PDCD6IP: variants seen among roughly 807,000 people sequenced by gnomAD.
PDCD6IP encodes programmed cell death 6 interacting protein.
In PDCD6IP, 43 loss-of-function variants were observed where a neutral mutation model predicts 103.7. The ratio of observed to expected loss-of-function variants is 0.41; its 90% CI spans 0.32 to 0.53. The LOEUF (loss-of-function observed/expected upper bound fraction) is 0.53. PDCD6IP is among the 20% of genes least tolerant of loss of function. PDCD6IP has a pLI of 0.16. For missense variants in PDCD6IP, 871 were observed against 1,036.7 expected (o/e 0.84, Z 2.20); for synonymous variants, 354 against 378.7 (o/e 0.93, Z 0.76).
In PDCD6IP at chr3:33,852,538, G is replaced by T. The variant is rs759150820; in HGVS notation, c.1692G>T (p.Lys564Asn). 1.6e-5 allele frequency: 24 copies of T among 1,525,704 alleles called. No individual in the cohort carries two copies. Among genetic ancestry groups the T allele is most frequent in the Non-Finnish European group, 1.8e-5 (20 of 1,142,652 alleles). 94.5% of individuals were successfully genotyped at this position (1,525,704 alleles called of 1,614,324 possible). Reference sequence around the variant, plus strand: ...TGTCAAATCTTGATGAAGTAAAGAAGGAAAGAGAGGGTCTGGAGAATGACT... The same window carrying T: ...TGTCAAATCTTGATGAAGTAAAGAATGAAAGAGAGGGTCTGGAGAATGACT... Reference protein sequence around the residue: ...SLLSNLDEVKKEREGLENDLK... With the variant: ...SLLSNLDEVKNEREGLENDLK... Residue 564 changes from lysine to asparagine, a missense_variant, in exon 13 of 18, where the codon AAG becomes AAT. Transcript: ENST00000307296.
chr3:33,814,379 C>A (rs1239952010), intron 3 of PDCD6IP, among the ~76,000 whole-genome samples: 1 of 151,934 alleles, frequency 6.6e-6, no homozygotes, highest in Admixed American at 6.6e-5. Flanking sequence ...AGGTGATCCA[C>A]CCATCTCGGC....
At chr3:33,816,083 C>G (rs1365211427) in intron 3 of PDCD6IP, among the ~76,000 whole-genome samples, 1 of 152,094 alleles carries the variant, frequency 6.6e-6, no homozygotes, top group African/African-American at 2.4e-5. Context: ...CAGTGGTTCC[C>G]AAACCTGGCT....
chr3:33,839,321 A>G lies in PDCD6IP; in HGVS notation c.1181+994A>G, dbSNP rs565607344. On this transcript the variant is annotated intron_variant, in intron 9 of 17. Coordinates refer to ENST00000307296, the MANE Select transcript of PDCD6IP (RefSeq NM_013374.6). ...TGTAATCATTCTAGCATATGCATAT[A>G]CAGTACTTACAGTATGTACAGTATA... 6.6e-5 allele frequency among the ~76,000 whole-genome samples: 10 copies of G among 152,352 alleles called. No homozygotes were observed. The East Asian group carries it at 1.9e-3, about 29-fold the overall frequency.
At chr3:33,839,693 A>G (rs1408204341) in intron 9 of PDCD6IP, among the ~76,000 whole-genome samples, 1 of 152,188 alleles carries the variant, frequency 6.6e-6, no homozygotes, top group Non-Finnish European at 1.5e-5. Flanking sequence ...TGTTTTCCAA[A>G]GTGGTTGTTC....
intron 1 of PDCD6IP, among the ~76,000 whole-genome samples, chr3:33,807,848 G>A (rs1696631869): frequency 6.6e-6 from 1 of 152,208 alleles, no homozygotes; most frequent in African/African-American, 2.4e-5. Context: ...TCCCAGCAGA[G>A]TCTAGAATAT....
intron 5 of PDCD6IP, among the ~76,000 whole-genome samples, chr3:33,826,167 CCTTT>C (rs780273395): frequency 3.3e-5 from 5 of 151,920 alleles, no homozygotes; most frequent in Non-Finnish European, 4.4e-5. Context: ...TCAAGTTCAC[CCTTT>C]CTAAGTATAC....
At chr3:33,799,050 G>T (rs1285476728) in intron 1 of PDCD6IP, 113 bp downstream of exon 1, 2 of 1,012,942 alleles carry the variant, frequency 2.0e-6, no homozygotes, top group South Asian at 1.7e-5. Flanking sequence ...GCCCCGTCCC[G>T]GCCTGACCAG....
chr3:33,808,374 A>G (rs903820245), intron 1 of PDCD6IP, among the ~76,000 whole-genome samples: 3 of 152,118 alleles, frequency 2.0e-5, no homozygotes, highest in African/African-American at 4.8e-5. Flanking sequence ...CCTGGGCTCA[A>G]GTGATCCTCC....
At chr3:33,850,200 C>G (rs892711450) in intron 12 of PDCD6IP, among the ~76,000 whole-genome samples, 3 of 152,116 alleles carry the variant, frequency 2.0e-5, no homozygotes, top group African/African-American at 7.2e-5. Flanking sequence ...TTAGTAGTAA[C>G]CTGTCCTTGA....
chr3:33,839,385 G>A (rs1317880949), intron 9 of PDCD6IP, among the ~76,000 whole-genome samples: 2 of 152,058 alleles, frequency 1.3e-5, no homozygotes, highest in African/African-American at 4.8e-5. Flanking sequence ...CTTAGCTACT[G>A]TTTTTGAGAT....
chr3:33,836,358 CT>C, intron 8 of PDCD6IP, 92 bp downstream of exon 8: 1 of 691,260 alleles, frequency 1.4e-6, no homozygotes, highest in African/African-American at 1.8e-5. Flanking sequence ...CTGTTGTATG[CT>C]TTGAATATAA....
intron 15 of PDCD6IP, among the ~76,000 whole-genome samples, chr3:33,859,877 T>A (rs1697914482): frequency 6.6e-6 from 1 of 152,208 alleles, no homozygotes; most frequent in Non-Finnish European, 1.5e-5. Flanking sequence ...ATTTATGAGC[T>A]TATTCATTTC....
rs73826771 is a variant in PDCD6IP at position 33,823,290 on chromosome 3, A to G, written c.462+1208A>G. The stretch of plus-strand genomic sequence containing the variant: ...ACCTCCCATGAAATTTGCTTGTCTC[A>G]GAGGTAGTCTGCTTTTTCCCGTTGT... On this transcript the variant is annotated intron_variant, in intron 4 of 17. Coordinates refer to ENST00000307296, the MANE Select transcript of PDCD6IP (RefSeq NM_013374.6). 3.4e-3 allele frequency among the ~76,000 whole-genome samples: 520 copies of G among 152,266 alleles called. 5 individuals carry two copies. Among genetic ancestry groups the G allele is most frequent in the African/African-American group, 0.012 (495 of 41,546 alleles).
At chr3:33,844,810 A>C (rs75543039) in intron 11 of PDCD6IP, among the ~76,000 whole-genome samples, 21,199 of 152,030 alleles carry the variant, frequency 0.14, 1,926 homozygotes, top group East Asian at 0.39. Flanking sequence ...CATAAATGAG[A>C]GCATATTACA....
intron 7 of PDCD6IP, among the ~76,000 whole-genome samples, chr3:33,834,774 C>T (rs1697312444): frequency 6.6e-6 from 1 of 152,120 alleles, no homozygotes; most frequent in Non-Finnish European, 1.5e-5. Context: ...TTCATCTGGT[C>T]ATTTTATAGA....
At chr3:33,803,270 T>C (rs1259125888) in intron 1 of PDCD6IP, among the ~76,000 whole-genome samples, 2 of 152,248 alleles carry the variant, frequency 1.3e-5, no homozygotes, top group Non-Finnish European at 2.9e-5. Context: ...AGCAGGTATA[T>C]GGGAGTACTT....
At chr3:33,799,335 A>G (rs1014322093) in intron 1 of PDCD6IP, 3 of 175,892 alleles carry the variant, frequency 1.7e-5, no homozygotes, top group African/African-American at 7.1e-5. Context: ...TTTTGATTTC[A>G]TAATAGTAGT....
intron 9 of PDCD6IP, among the ~76,000 whole-genome samples, chr3:33,839,180 C>T (rs1423273214): frequency 6.6e-6 from 1 of 152,130 alleles, no homozygotes; most frequent in African/African-American, 2.4e-5. Flanking sequence ...ATTACTGTTA[C>T]CCTAAAAAAA....
rs1696732129 is a variant in PDCD6IP at position 33,812,095 on chromosome 3, T to C, written c.233T>C (p.Ile78Thr). The change falls in exon 2 of 18, where the codon ATT becomes ACT. Residue 78 changes from isoleucine (I) to threonine (T), a missense_variant. Ile to Thr is a moderately conservative substitution (Grantham distance 89). Around this residue, in one of 5 missense-constraint regions of PDCD6IP, gnomAD observed 114 missense variants for 106.7 expected, o/e 1.07. Coordinates refer to ENST00000307296, the MANE Select transcript of PDCD6IP (RefSeq NM_013374.6). ...AGATATTATGATCAGATTTGTTCTATTGAACCCAAATTCCCATTTTCTGAA... is the reference window on the plus strand; with the variant it reads ...AGATATTATGATCAGATTTGTTCTACTGAACCCAAATTCCCATTTTCTGAA... ...LLRYYDQICS[I>T]EPKFPFSENQ... The C allele has an allele frequency of 1.2e-6, 2 of 1,600,130 alleles. No individual in the cohort carries two copies. Among genetic ancestry groups the C allele is most frequent in the African/African-American group, 2.7e-5 (2 of 74,358 alleles).
Sources: allele counts gnomAD v4.1 joint callset (sites outside exome capture counted in the v4.1 genomes callset), GRCh38; gene constraint gnomAD v4.1.1; regional missense constraint gnomAD v4.1.1; transcripts MANE v1.5; gene names NCBI Gene and HGNC (gene_info 2026-07-23, HGNC 2026-07-21).